The following COL5A1 variants were observed in gnomAD, a reference collection of about 807,000 sequenced individuals.
The protein encoded by COL5A1 is collagen alpha-1(V) chain.
In COL5A1, 16 loss-of-function variants were observed where a neutral mutation model predicts 263.7. The observed-to-expected ratio is 0.06, with a 90% CI of 0.04 to 0.09. The LOEUF (loss-of-function observed/expected upper bound fraction) is 0.09. Ranked by LOEUF, COL5A1 falls within the 10% of genes least tolerant of loss-of-function variation. The probability of loss-of-function intolerance (pLI) is 1.00; values close to 1 mark genes in which losing one functional copy is unlikely to be tolerated. For missense variants in COL5A1, 2,036 were observed against 2,540.5 expected (o/e 0.80, Z 4.27); for synonymous variants, 1,012 against 1,004.5 (o/e 1.01, Z -0.14).
chr9:134,788,914 G>A (rs1232582085), intron 31 of COL5A1, among the ~76,000 whole-genome samples: 5 of 149,894 alleles, frequency 3.3e-5, no homozygotes, highest in Admixed American at 6.7e-5. Context: ...ACAGGTAGAC[G>A]GATGAATGGG....
intron 53 of COL5A1, 88 bp downstream of exon 53, chr9:134,817,167 G>A: frequency 7.8e-7 from 1 of 1,273,936 alleles, no homozygotes; most frequent in Non-Finnish European, 1.1e-6. Flanking sequence ...TGGGCCCTGG[G>A]TGCTCTAAGC....
At chr9:134,712,694 C>T (rs986029356) in intron 4 of COL5A1, among the ~76,000 whole-genome samples, 3 of 146,594 alleles carry the variant, frequency 2.0e-5, no homozygotes, top group Non-Finnish European at 4.5e-5. Flanking sequence ...TCCATCCTGC[C>T]CCTGGCTTTT....
rs573345289 is a variant in COL5A1, at chr9:134,796,753, C to T, written c.2845-95C>T. 13 of 1,144,510 alleles carry T rather than the reference C, an allele frequency of 1.1e-5. No individual in the cohort carries two copies. The South Asian group carries it at 1.5e-4, about 13-fold the overall frequency. The allele number at this position is 1,144,510 out of a possible 1,614,324, so 70.9% of individuals were successfully genotyped here. A position where few individuals can be genotyped will look rare whatever the true frequency, so the allele number is the denominator to read the frequency against. Reference sequence around the variant, plus strand: ...GCCATGGGGGTGGGAAGAAATGACACCTGCGTTCAGAGAGCCACCGGCACA... The same window carrying T: ...GCCATGGGGGTGGGAAGAAATGACATCTGCGTTCAGAGAGCCACCGGCACA... On this transcript the variant is annotated intron_variant, in intron 35 of 65. Coordinates refer to ENST00000371817, the MANE Select transcript of COL5A1 (RefSeq NM_000093.5).
chr9:134,777,294 C>A (rs1837088431), intron 27 of COL5A1, among the ~76,000 whole-genome samples: 1 of 152,242 alleles, frequency 6.6e-6, no homozygotes, highest in Non-Finnish European at 1.5e-5. Context: ...CACATCTGGT[C>A]CCAGCCGTGC....
chr9:134,665,947 T>C (rs1832342372), intron 1 of COL5A1, among the ~76,000 whole-genome samples: 1 of 151,952 alleles, frequency 6.6e-6, no homozygotes, highest in African/African-American at 2.4e-5. Context: ...AACTAGCTGG[T>C]GTGGTGGCAC....
intron 1 of COL5A1, chr9:134,649,431 C>T (rs1831591825): frequency 2.2e-6 from 1 of 461,456 alleles, no homozygotes; most frequent in Admixed American, 2.5e-5. Flanking sequence ...GACATGGGCT[C>T]AGCCTATTTG....
intron 64 of COL5A1, chr9:134,830,400 G>T: frequency 1.7e-6 from 1 of 603,566 alleles, no homozygotes; most frequent in Non-Finnish European, 2.9e-6. Context: ...ATGGTTTTCC[G>T]TTTCTGTGTA....
chr9:134,804,407 T>C (rs769477860), intron 39 of COL5A1, among the ~76,000 whole-genome samples: 1 of 152,186 alleles, frequency 6.6e-6, no homozygotes, highest in Non-Finnish European at 1.5e-5. Context: ...CTTGAAGAAG[T>C]TCCTTAAGTG....
rs558641300 is a variant in COL5A1, at chr9:134,755,685, G to T, written c.1828-1080G>T. ...CTTCCCTTGGTTTCTAAAAGTGTTT[G>T]GAAATCTAGAAGAGGCTCCCAATGG... On this transcript the variant is annotated intron_variant, in intron 16 of 65. Transcript: ENST00000371817. The surrounding 1 kb of genome is among the most constrained non-coding windows in gnomAD (Gnocchi z 4.1). 1.3e-5 allele frequency among the ~76,000 whole-genome samples: 2 copies of T among 152,374 alleles called. No individual in the cohort carries two copies. The highest frequency in any genetic ancestry group is 3.9e-4 in the East Asian group (2 of 5,192).
intron 11 of COL5A1, among the ~76,000 whole-genome samples, chr9:134,749,969 T>C (rs1835714828): frequency 6.6e-6 from 1 of 152,222 alleles, no homozygotes; most frequent in Admixed American, 6.5e-5. Context: ...CTGTGTCGTT[T>C]ACATATAAGT....
In COL5A1 at chr9:134,801,997, T is replaced by G; in HGVS notation, c.2996T>G (p.Val999Gly). The change falls in exon 38 of 66, where the codon GTC (valine) becomes GGC (glycine). Residue 999 changes from valine to glycine, a missense_variant. Physicochemically the swap from Val to Gly is moderately radical, Grantham distance 109 (BLOSUM62 -3). Coordinates refer to ENST00000371817, the MANE Select transcript of COL5A1 (RefSeq NM_000093.5). ...GGCCCTCCAGGCCCCCCCGGCGTGGTCGGCCCTCAGGTAAGCTCCAGCCTT... is the reference window on the plus strand; with the variant it reads ...GGCCCTCCAGGCCCCCCCGGCGTGGGCGGCCCTCAGGTAAGCTCCAGCCTT... ...KTGPPGPPGV[V>G]GPQGPTGETG... is the part of the protein sequence containing the mutation. The G allele has an allele frequency of 6.2e-7, 1 of 1,613,346 alleles. No individual in the cohort carries two copies. The highest frequency in any genetic ancestry group is 8.5e-7 in the Non-Finnish European group (1 of 1,180,016).
chr9:134,834,843 C>T, intron 64 of COL5A1, 128 bp from the exon 65 acceptor site: 2 of 712,362 alleles, frequency 2.8e-6, no homozygotes, highest in Admixed American at 2.1e-5. Context: ...TCTGTGGGTA[C>T]AGTGCGTTTC....
chr9:134,662,938 A>C (rs1832253499), intron 1 of COL5A1, among the ~76,000 whole-genome samples: 1 of 152,216 alleles, frequency 6.6e-6, no homozygotes, highest in African/African-American at 2.4e-5. Flanking sequence ...TGTTTGCTGC[A>C]CAGCTACTGC....
intron 19 of COL5A1, among the ~76,000 whole-genome samples, chr9:134,762,486 G>C (rs571522229): frequency 6.6e-6 from 1 of 152,304 alleles, no homozygotes; most frequent in Non-Finnish European, 1.5e-5. Context: ...GGAGGGAGCT[G>C]TTCTCCAGCA....
intron 1 of COL5A1, among the ~76,000 whole-genome samples, chr9:134,662,879 T>TATA (rs1832251884): frequency 6.6e-6 from 1 of 152,236 alleles, no homozygotes; most frequent in African/African-American, 2.4e-5. Flanking sequence ...AACCTGGGGC[T>TATA]GTTAGCTATA....
At chr9:134,732,243 A>T in intron 9 of COL5A1, 116 bp downstream of exon 9, 5 of 1,012,456 alleles carry the variant, frequency 4.9e-6, no homozygotes, top group Non-Finnish European at 7.8e-6. Context: ...GCACTGGGTC[A>T]CTTCGAGCAA....
At chr9:134,643,431 G>T (rs1216921146) in intron 1 of COL5A1, among the ~76,000 whole-genome samples, 3 of 152,178 alleles carry the variant, frequency 2.0e-5, no homozygotes, top group African/African-American at 7.2e-5. Flanking sequence ...TCTGCTTCAC[G>T]ATTGGAAGAC....
At chr9:134,753,939 G>A (rs374491375) in intron 15 of COL5A1, 36 bp downstream of exon 15, 49 of 1,584,618 alleles carry the variant, frequency 3.1e-5, no homozygotes, top group Middle Eastern at 3.3e-4. Context: ...TCTGGTGGGC[G>A]CCTCCCGTTC....
chr9:134,828,927 C>T (rs1839447409), intron 63 of COL5A1, among the ~76,000 whole-genome samples: 1 of 148,078 alleles, frequency 6.8e-6, no homozygotes, highest in Non-Finnish European at 1.5e-5. Context: ...ATACACACCA[C>T]TCATCACACA....
Sources: gnomAD v4.1 joint callset for allele counts (sites outside exome capture counted in the v4.1 genomes callset) on GRCh38, gnomAD v4.1.1 for gene constraint, Gnocchi (gnomAD v3.1) non-coding constraint, MANE v1.5 for transcripts, NCBI Gene and HGNC (gene_info 2026-07-23, HGNC 2026-07-21) for gene names.